Variants in PCSK6 observed in about 807,000 individuals in gnomAD.
PCSK6 encodes the protein paired basic amino acid cleaving enzyme 4.
Under a neutral mutation model 123.3 loss-of-function variants are expected in PCSK6, and 85 were observed. The ratio of observed to expected loss-of-function variants is 0.69; its 90% CI spans 0.58 to 0.83. The LOEUF (loss-of-function observed/expected upper bound fraction) is 0.83. Among genes scored for constraint, PCSK6 ranks in the 40% least tolerant of loss-of-function variants. The pLI is 0.00. For missense variants in PCSK6, 1,191 were observed against 1,282.3 expected, an observed-to-expected ratio of 0.93 and a Z score of 1.09; for synonymous variants, 508 against 516.0, an observed-to-expected ratio of 0.98 and a Z score of 0.21.
At chr15:101,370,282 C>T (rs1416343658) in intron 12 of PCSK6, 53 bp downstream of exon 12, 7 of 1,400,320 alleles carry the variant, frequency 5.0e-6, no homozygotes, top group Non-Finnish European at 6.6e-6. Context: ...AGCTCTTGTG[C>T]AGGGTCAATC....
At chr15:101,466,636 C>T (rs2412008) in intron 1 of PCSK6, among the ~76,000 whole-genome samples, 122,816 of 152,228 alleles carry the variant, frequency 0.81, 49,906 homozygotes, top group Non-Finnish European at 0.85. Flanking sequence ...ACAATGTGGG[C>T]AATTCATTAC....
intron 4 of PCSK6, among the ~76,000 whole-genome samples, chr15:101,430,321 C>A (rs2056408293): frequency 6.6e-6 from 1 of 152,282 alleles, no homozygotes; most frequent in African/African-American, 2.4e-5. Flanking sequence ...CTCCAGAACC[C>A]TTTCAACCTG....
At position 101,424,300 on chromosome 15, in the gene PCSK6, T is replaced by G. The variant is rs75998945; in HGVS notation, c.823+3592A>C. ...TCTTAAAAGGGAACAACAATAAGGA[T>G]GGCAATTAACAATCGACTCATCGTC... On this transcript the variant is annotated intron_variant, in intron 6 of 21. Coordinates refer to ENST00000611716, the MANE Select transcript of PCSK6 (RefSeq NM_002570.5). 4.2e-3 allele frequency among the ~76,000 whole-genome samples: 628 copies of G among 149,390 alleles called. 5 individuals are homozygous for G. In the East Asian group the frequency reaches 0.054, roughly 13 times the overall value.
chr15:101,366,089 A>C (rs1226751334), intron 13 of PCSK6, 107 bp downstream of exon 13: 1 of 1,240,708 alleles, frequency 8.1e-7, no homozygotes. Context: ...TCTACCTCTA[A>C]AACACAAAAC....
intron 6 of PCSK6, among the ~76,000 whole-genome samples, chr15:101,425,210 G>A (rs1417866385): frequency 2.6e-5 from 4 of 152,202 alleles, no homozygotes; most frequent in Non-Finnish European, 5.9e-5. Flanking sequence ...ATGAGGTGGA[G>A]CTCACACCTC....
intron 17 of PCSK6, 97 bp from the exon 18 acceptor site, chr15:101,322,704 G>C: frequency 2.6e-6 from 2 of 763,282 alleles, no homozygotes; most frequent in Non-Finnish European, 4.6e-6. Flanking sequence ...GCGGGGGTGC[G>C]GGTGGGCTGT....
intron 4 of PCSK6, among the ~76,000 whole-genome samples, chr15:101,430,738 G>A (rs1252931840): frequency 6.6e-6 from 1 of 152,192 alleles, no homozygotes; most frequent in African/African-American, 2.4e-5. Flanking sequence ...TCACCGGTAG[G>A]TGCCCAAGTC....
In PCSK6 at chr15:101,389,572, A is replaced by G. The variant is rs751772673; in HGVS notation, c.1210-8T>C. On this transcript the variant is annotated splice_region_variant and splice_polypyrimidine_tract_variant and intron_variant, in intron 8 of 21. Coordinates refer to ENST00000611716, the MANE Select transcript of PCSK6 (RefSeq NM_002570.5). ...ACGCAGATCCGTGGTGACCTGGGGG[A>G]GAGAGAAGCACAGTGAGGCAGTGAT... The G allele has an allele frequency of 1.0e-5, 16 of 1,605,162 alleles. No homozygotes were observed. Among genetic ancestry groups the G allele is most frequent in the Non-Finnish European group, 1.3e-5 (15 of 1,173,438 alleles).
At chr15:101,392,325 G>A (rs893871557) in intron 8 of PCSK6, among the ~76,000 whole-genome samples, 7 of 152,232 alleles carry the variant, frequency 4.6e-5, no homozygotes, top group African/African-American at 1.4e-4. Context: ...GCTGGCGACA[G>A]AACGATGGCA....
chr15:101,436,775 C>T (rs938189332), intron 2 of PCSK6, among the ~76,000 whole-genome samples: 1 of 152,230 alleles, frequency 6.6e-6, no homozygotes, highest in Non-Finnish European at 1.5e-5. Flanking sequence ...TCTTGATTCC[C>T]ATCAACCTTG....
At chr15:101,429,760 C>T (rs900548307) in intron 5 of PCSK6, among the ~76,000 whole-genome samples, 12 of 152,244 alleles carry the variant, frequency 7.9e-5, no homozygotes, top group African/African-American at 2.9e-4. Context: ...TTTCTAGCTG[C>T]CCGGCAGCGG....
At chr15:101,443,173 T>G (rs1343064708) in intron 2 of PCSK6, among the ~76,000 whole-genome samples, 1 of 152,248 alleles carries the variant, frequency 6.6e-6, no homozygotes, top group Non-Finnish European at 1.5e-5. Context: ...AAAAAAGTCA[T>G]AGTTACTGCC....
intron 1 of PCSK6, among the ~76,000 whole-genome samples, chr15:101,488,737 G>A (rs751335457): frequency 2.0e-5 from 3 of 151,200 alleles, no homozygotes; most frequent in Non-Finnish European, 3.0e-5. Flanking sequence ...CAGGACCCCC[G>A]GCCCTGCGCT....
chr15:101,487,086 G>A (rs1052532616), intron 1 of PCSK6, among the ~76,000 whole-genome samples: 1 of 152,222 alleles, frequency 6.6e-6, no homozygotes, highest in African/African-American at 2.4e-5. Context: ...TTTTCAAAGA[G>A]TTCTTATTGA....
intron 9 of PCSK6, 21 bp from the exon 10 acceptor site, chr15:101,384,446 C>G (rs771378150): frequency 2.5e-6 from 4 of 1,603,328 alleles, no homozygotes. Flanking sequence ...ACAACACACC[C>G]TAGAGTCCAC....
chr15:101,427,998 A>AC lies in PCSK6; in HGVS notation c.735-19dup. ...TGCCGTGTCTGAAACAAAGGAAAAAACCAAGTGAGGACGCAGCCCAGCAAG... is the reference window on the plus strand; with the variant it reads ...TGCCGTGTCTGAAACAAAGGAAAAAACCCAAGTGAGGACGCAGCCCAGCAAG... On this transcript the variant is annotated intron_variant, in intron 5 of 21. Coordinates refer to ENST00000611716, the MANE Select transcript of PCSK6 (RefSeq NM_002570.5). The AC allele has an allele frequency of 6.4e-7, 1 of 1,555,706 alleles. No homozygotes were observed. Among genetic ancestry groups the AC allele is most frequent in the Non-Finnish European group, 8.7e-7 (1 of 1,148,506 alleles).
chr15:101,327,972 T>TC (rs1234779435), intron 15 of PCSK6, among the ~76,000 whole-genome samples: 2 of 152,080 alleles, frequency 1.3e-5, no homozygotes, highest in African/African-American at 2.4e-5. Flanking sequence ...ACTAAACTCC[T>TC]CCCCCCAGCT....
intron 13 of PCSK6, among the ~76,000 whole-genome samples, chr15:101,359,000 T>C (rs1338978835): frequency 6.6e-6 from 1 of 152,166 alleles, no homozygotes; most frequent in East Asian, 1.9e-4. Flanking sequence ...CTCACTGTGC[T>C]TGGGGAGGAT....
chr15:101,489,626 G>C lies in PCSK6; in HGVS notation c.45C>G (p.Pro15=). ...APPAPGPRPP[P]RAAAATDTAA... is the part of the protein sequence containing the mutation. ...CGGTGTCGGTGGCGGCGGCGGCCCG[G>C]GGCGGCGGCCGGGGCCCGGGCGCAG... Residue 15 remains proline, a synonymous_variant, in exon 1 of 22, where the codon CCC becomes CCG. Coordinates refer to ENST00000611716, the MANE Select transcript of PCSK6 (RefSeq NM_002570.5). The C allele has an allele frequency of 1.0e-6, 1 of 975,728 alleles. No individual in the cohort carries two copies. Among genetic ancestry groups the C allele is most frequent in the Non-Finnish European group, 1.2e-6 (1 of 825,418 alleles). 60.4% of individuals were successfully genotyped at this position (975,728 alleles called of 1,614,324 possible). A position where few individuals can be genotyped will look rare whatever the true frequency, so the allele number is the denominator to read the frequency against.
Sources: gnomAD v4.1 joint callset for allele counts (sites outside exome capture counted in the v4.1 genomes callset) on GRCh38, gnomAD v4.1.1 for gene constraint, MANE v1.5 for transcripts, NCBI Gene and HGNC (gene_info 2026-07-23, HGNC 2026-07-21) for gene names.